ZPBP: variants seen among roughly 807,000 people sequenced by gnomAD.
The protein encoded by ZPBP is zona pellucida-binding protein 1.
Under a neutral mutation model 44.8 loss-of-function variants are expected in ZPBP, and 26 were observed. The ratio of observed to expected loss-of-function variants is 0.58; its 90% CI spans 0.43 to 0.81. The LOEUF is 0.81. Ranked by LOEUF, ZPBP falls within the 30% of genes least tolerant of loss-of-function variation. The pLI is 0.00. For missense variants in ZPBP, 409 were observed against 434.0 expected (o/e 0.94, Z 0.51); for synonymous variants, 174 against 153.2 (o/e 1.14, Z -1.00).
At chr7:49,873,819 A>G (rs983998888) in intron 2 of ZPBP, among the ~76,000 whole-genome samples, 2 of 152,010 alleles carry the variant, frequency 1.3e-5, no homozygotes, top group Non-Finnish European at 2.9e-5. Flanking sequence ...AAATGGATTA[A>G]TTAATTATGG....
intron 2 of ZPBP, among the ~76,000 whole-genome samples, chr7:49,888,942 C>A (rs1035455059): frequency 6.6e-6 from 1 of 151,584 alleles, no homozygotes; most frequent in East Asian, 1.9e-4. Context: ...CAAAAAAAAA[C>A]AAAAGAAGTG....
chr7:50,090,394 C>A (rs1023524641), intron 1 of ZPBP, among the ~76,000 whole-genome samples: 5 of 151,976 alleles, frequency 3.3e-5, no homozygotes, highest in African/African-American at 1.2e-4. Flanking sequence ...ATAATAGTCT[C>A]CAATCCCATC....
chr7:50,042,423 A>G (rs1257267884), intron 4 of ZPBP, among the ~76,000 whole-genome samples: 1 of 151,200 alleles, frequency 6.6e-6, no homozygotes, highest in Non-Finnish European at 1.5e-5. Flanking sequence ...GGGCAGCCAG[A>G]TCAGGTTACC....
At chr7:50,015,209 TG>T (rs778063513) in intron 6 of ZPBP, among the ~76,000 whole-genome samples, 2 of 151,702 alleles carry the variant, frequency 1.3e-5, no homozygotes, top group Non-Finnish European at 2.9e-5. Context: ...AAAGTTTCCA[TG>T]GGACAGGAAA....
intron 6 of ZPBP, among the ~76,000 whole-genome samples, chr7:50,005,027 T>C (rs954912308): frequency 1.3e-5 from 1 of 78,576 alleles, no homozygotes; most frequent in East Asian, 4.3e-4. Flanking sequence ...AGAAAACAAC[T>C]GAATCATTTT....
intron 6 of ZPBP, among the ~76,000 whole-genome samples, chr7:49,984,900 TGAA>T (rs2128783204): frequency 6.6e-6 from 1 of 152,294 alleles, no homozygotes; most frequent in South Asian, 2.1e-4. Flanking sequence ...GTTATAATGT[TGAA>T]GAGAAAAAAA....
intron 7 of ZPBP, 57 bp from the exon 8 acceptor site, chr7:49,937,679 T>C (rs910844314): frequency 1.1e-4 from 146 of 1,370,206 alleles, no homozygotes; most frequent in Non-Finnish European, 1.5e-4. Context: ...TAATATAAAA[T>C]TTCCAATCTC....
At chr7:50,028,308 C>G (rs1799429367) in intron 5 of ZPBP, among the ~76,000 whole-genome samples, 1 of 151,716 alleles carries the variant, frequency 6.6e-6, no homozygotes, top group African/African-American at 2.4e-5. Context: ...ATGATAATCT[C>G]ATTTCATATA....
At chr7:49,846,651 CTG>C (rs1461392634), downstream of ZPBP, among the ~76,000 whole-genome samples, 1 of 152,232 alleles carries the variant, frequency 6.6e-6, no homozygotes, top group Non-Finnish European at 1.5e-5. Context: ...CTGCATGAAA[CTG>C]TGAGTACCAC....
intron 7 of ZPBP, among the ~76,000 whole-genome samples, chr7:49,974,890 A>G (rs1443808418): frequency 5.4e-3 from 2 of 370 alleles, no homozygotes; most frequent in African/African-American, 0.026. Context: ...GAAATGCCCC[A>G]TTGAGGAGTG....
intron 6 of ZPBP, among the ~76,000 whole-genome samples, chr7:49,996,524 G>C (rs954774850): frequency 6.6e-6 from 1 of 152,176 alleles, no homozygotes; most frequent in African/African-American, 2.4e-5. Context: ...CCTAGTAAAA[G>C]GCCATTAAGT....
At chr7:50,053,560 G>A (rs1446398030) in intron 4 of ZPBP, among the ~76,000 whole-genome samples, 1 of 152,192 alleles carries the variant, frequency 6.6e-6, no homozygotes, top group African/African-American at 2.4e-5. Flanking sequence ...AAGAAGGAAT[G>A]CTTGTTAAGT....
intron 1 of ZPBP, chr7:50,092,799 T>A (rs1562624544): frequency 8.3e-6 from 3 of 360,590 alleles, no homozygotes; most frequent in Non-Finnish European, 1.5e-5. Context: ...AATTGGGGAG[T>A]TTATCAACAA....
At chr7:49,858,607 T>C (rs62456372) in intron 2 of ZPBP, among the ~76,000 whole-genome samples, 28,302 of 150,394 alleles carry the variant, frequency 0.19, 3,666 homozygotes, top group East Asian at 0.63. Context: ...TAATGTTAAA[T>C]GACGAGTTAA....
the ZPBP span, among the ~76,000 whole-genome samples, chr7:49,841,309 CTT>C: frequency 0.035 from 5,114 of 145,622 alleles, 124 homozygotes; most frequent in Middle Eastern, 0.056. Context: ...TTACACATTA[CTT>C]TTTTTTTTTT....
intron 7 of ZPBP, among the ~76,000 whole-genome samples, chr7:49,979,970 A>T (rs190597946): frequency 0.19 from 20,408 of 107,510 alleles, 2,744 homozygotes; most frequent in East Asian, 0.65. Context: ...TTTATATTAT[A>T]TATTATATAT....
In ZPBP at chr7:50,092,988, GAC is replaced by G. The variant is rs768970338; in HGVS notation, c.127+78_127+79del. On this transcript the variant is annotated intron_variant, in intron 1 of 7. Coordinates refer to ENST00000046087, the MANE Select transcript of ZPBP (RefSeq NM_007009.3). ...GTCTCTATATAAAACGGATGCACGT[GAC>G]ACAAGAAAAGGCAATTCGAAGAGTG... The G allele has an allele frequency of 5.9e-6, 9 of 1,538,014 alleles. No homozygotes were observed. The Admixed American group carries it at 1.9e-4, about 32-fold the overall frequency.
intron 4 of ZPBP, among the ~76,000 whole-genome samples, chr7:50,054,377 T>C (rs1002541815): frequency 2.0e-5 from 3 of 151,968 alleles, no homozygotes; most frequent in Non-Finnish European, 4.4e-5. Context: ...TATCTAAAAA[T>C]TAGTAAGAAA....
intron 2 of ZPBP, among the ~76,000 whole-genome samples, chr7:49,895,826 AC>A (rs1283224549): frequency 6.6e-6 from 1 of 152,166 alleles, no homozygotes; most frequent in East Asian, 1.9e-4. Context: ...ATTAAGATTA[AC>A]CCATTCTCCC....
Sources: allele counts gnomAD v4.1 joint callset (sites outside exome capture counted in the v4.1 genomes callset), GRCh38; gene constraint gnomAD v4.1.1; transcripts MANE v1.5; gene names NCBI Gene and HGNC (gene_info 2026-07-23, HGNC 2026-07-21).